The following PDE3B variants were observed in gnomAD, a reference collection of about 807,000 sequenced individuals.
PDE3B encodes the protein phosphodiesterase 3B.
Under a neutral mutation model 116.8 loss-of-function variants are expected in PDE3B, and 66 were observed. The observed-to-expected ratio is 0.56, with a 90% CI of 0.46 to 0.69. PDE3B has a LOEUF of 0.69. Ranked by LOEUF, PDE3B falls within the 30% of genes least tolerant of loss-of-function variation. PDE3B has a pLI of 0.00. For missense variants in PDE3B, 1,384 were observed against 1,368.1 expected (o/e 1.01, Z -0.18); for synonymous variants, 595 against 533.6 (o/e 1.12, Z -1.59).
At chr11:14,664,487 T>G (rs1398198539) in intron 1 of PDE3B, among the ~76,000 whole-genome samples, 1 of 152,020 alleles carries the variant, frequency 6.6e-6, no homozygotes, top group East Asian at 1.9e-4. Flanking sequence ...AGCTGGTTTT[T>G]TGAAAGGATC....
intron 2 of PDE3B, chr11:14,772,245 A>G (rs974149519): frequency 2.9e-5 from 6 of 203,624 alleles, no homozygotes; most frequent in Non-Finnish European, 5.8e-5. Flanking sequence ...TGCTAATATA[A>G]TCTGGGCTCA....
the PDE3B span, among the ~76,000 whole-genome samples, chr11:14,889,175 T>TC: frequency 6.6e-6 from 1 of 151,892 alleles, no homozygotes; most frequent in East Asian, 1.9e-4. Flanking sequence ...TTTTTTTTTT[T>TC]TTTTCTGTGA....
At position 14,803,941 on chromosome 11, in the gene PDE3B, T is replaced by C; in HGVS notation, c.1416-3T>C. On this transcript the variant is annotated splice_polypyrimidine_tract_variant and splice_region_variant and intron_variant, in intron 4 of 15. Transcript: ENST00000282096. ...ATTTTAACCTGTTATTTTTCCCTTT[T>C]AGTCAAGGATGCTATCTAAATGGGC... 1 of 1,546,436 alleles carries C rather than the reference T, an allele frequency of 6.5e-7. No individual in the cohort carries two copies. The highest frequency in any genetic ancestry group is 1.1e-5 in the South Asian group (1 of 88,630).
At position 14,792,510 on chromosome 11, in the gene PDE3B, G is replaced by A. The variant is rs553616900; in HGVS notation, c.1415+3268G>A. Among the ~76,000 whole-genome samples the A allele has an allele frequency of 2.0e-3, 308 of 152,044 alleles. 3 individuals are homozygous for A. Among genetic ancestry groups the A allele is most frequent in the African/African-American group, 7.1e-3 (295 of 41,488 alleles). On this transcript the variant is annotated intron_variant, in intron 4 of 15. Coordinates refer to ENST00000282096, the MANE Select transcript of PDE3B (RefSeq NM_000922.4). ...AAAAAAATTAAGTATTATAACCCTGGGAGCTATGATAAAAATAATCAGAAG... is the reference window on the plus strand; with the variant it reads ...AAAAAAATTAAGTATTATAACCCTGAGAGCTATGATAAAAATAATCAGAAG...
In PDE3B at chr11:14,664,787, C is replaced by T. The variant is rs1275481118; in HGVS notation, c.978+19734C>T. 2.6e-5 allele frequency among the ~76,000 whole-genome samples: 4 copies of T among 152,114 alleles called. No individual in the cohort carries two copies. In the East Asian group the frequency reaches 5.8e-4, roughly 22 times the overall value. ...GTGGCAATAATCAATAGCTTACCAA[C>T]CAAAAAGAGTCCAGGACCAGATGGA... is the stretch of plus-strand genomic sequence containing the variant. On this transcript the variant is annotated intron_variant, in intron 1 of 15. Transcript: ENST00000282096.
At chr11:14,788,587 T>C (rs1049037289) in intron 3 of PDE3B, among the ~76,000 whole-genome samples, 1 of 152,024 alleles carries the variant, frequency 6.6e-6, no homozygotes, top group African/African-American at 2.4e-5. Context: ...TAGTTGAGAA[T>C]ATTTTTTAAA....
In PDE3B at chr11:14,767,146, A is replaced by G. The variant is rs147588571; in HGVS notation, c.979-4791A>G. On this transcript the variant is annotated intron_variant, in intron 1 of 15. Transcript: ENST00000282096. The stretch of plus-strand genomic sequence containing the variant: ...TTTAGGAACAAAAATCTTCAGTTTC[A>G]TATATGAAAGCATTTTGTGCTTGTT... Among the ~76,000 whole-genome samples the G allele has an allele frequency of 3.6e-3, 552 of 151,708 alleles. 4 individuals are homozygous for G. The highest frequency in any genetic ancestry group is 0.013 in the African/African-American group (520 of 41,510).
chr11:14,766,622 C>T (rs1169080877), intron 1 of PDE3B, among the ~76,000 whole-genome samples: 1 of 151,206 alleles, frequency 6.6e-6, no homozygotes, highest in African/African-American at 2.4e-5. Context: ...ACATTGAACT[C>T]AGCATAATGT....
chr11:14,862,102 C>T (rs1555007259), intron 14 of PDE3B, among the ~76,000 whole-genome samples: 1 of 152,222 alleles, frequency 6.6e-6, no homozygotes, highest in African/African-American at 2.4e-5. Context: ...ACTCACCCAC[C>T]TCCTGAGATC....
intron 1 of PDE3B, among the ~76,000 whole-genome samples, chr11:14,739,509 T>A (rs574231611): frequency 6.6e-6 from 1 of 152,140 alleles, no homozygotes; most frequent in Non-Finnish European, 1.5e-5. Context: ...TGGGCTGAGA[T>A]GATGGGTTTT....
At chr11:14,823,022 C>A (rs980783613) in intron 7 of PDE3B, among the ~76,000 whole-genome samples, 1 of 152,124 alleles carries the variant, frequency 6.6e-6, no homozygotes, top group African/African-American at 2.4e-5. Flanking sequence ...GACCTCTCTT[C>A]TCCTCACTGG....
intron 11 of PDE3B, among the ~76,000 whole-genome samples, chr11:14,836,505 C>T (rs2133967363): frequency 6.6e-6 from 1 of 152,198 alleles, no homozygotes; most frequent in South Asian, 2.1e-4. Flanking sequence ...TCAGCCTCTC[C>T]ATTGTCTAAT....
intron 1 of PDE3B, among the ~76,000 whole-genome samples, chr11:14,649,114 C>A (rs1330819195): frequency 6.6e-6 from 1 of 152,046 alleles, no homozygotes; most frequent in East Asian, 1.9e-4. Flanking sequence ...AGAAGGTAAC[C>A]ATAAGTAAAA....
intron 1 of PDE3B, among the ~76,000 whole-genome samples, chr11:14,693,260 A>G (rs1373505955): frequency 6.6e-6 from 1 of 152,242 alleles, no homozygotes; most frequent in Non-Finnish European, 1.5e-5. Context: ...GTGAAGCAGC[A>G]AGTGCTGATG....
intron 2 of PDE3B, chr11:14,774,103 G>A (rs543932896): frequency 6.6e-6 from 1 of 152,154 alleles, no homozygotes; most frequent in African/African-American, 2.4e-5. Context: ...CAGAATGTTG[G>A]ATTTCTTTTA....
intron 1 of PDE3B, among the ~76,000 whole-genome samples, chr11:14,687,890 A>C (rs1285223993): frequency 6.6e-6 from 1 of 152,186 alleles, no homozygotes; most frequent in East Asian, 1.9e-4. Context: ...TTTGCTCATC[A>C]ACATACAATT....
At chr11:14,804,133 G>T in intron 5 of PDE3B, 83 bp downstream of exon 5, 3 of 729,918 alleles carry the variant, frequency 4.1e-6, no homozygotes, top group South Asian at 1.7e-5. Context: ...CATATTTATA[G>T]CTAATTTTGA....
chr11:14,691,149 G>A (rs1005247418), intron 1 of PDE3B, among the ~76,000 whole-genome samples: 5 of 152,168 alleles, frequency 3.3e-5, no homozygotes, highest in Non-Finnish European at 7.3e-5. Context: ...TACTGTATTA[G>A]CACTGTGCTA....
chr11:14,752,563 T>TC (rs1035166298), intron 1 of PDE3B, among the ~76,000 whole-genome samples: 51 of 152,308 alleles, frequency 3.3e-4, no homozygotes, highest in African/African-American at 1.2e-3. Flanking sequence ...CCTCCCTCCT[T>TC]CAAGTTTTAT....
Sources: gnomAD v4.1 joint callset for allele counts (sites outside exome capture counted in the v4.1 genomes callset) on GRCh38, gnomAD v4.1.1 for gene constraint, MANE v1.5 for transcripts, NCBI Gene and HGNC (gene_info 2026-07-23, HGNC 2026-07-21) for gene names.